RBM20: variants seen among roughly 807,000 people sequenced by gnomAD.
RBM20 encodes RNA-binding protein 20.
Under a neutral mutation model 110.1 loss-of-function variants are expected in RBM20, and 51 were observed. The observed-to-expected ratio is 0.46, with a 90% confidence interval of 0.37 to 0.59. The LOEUF is 0.59. Among genes scored for constraint, RBM20 ranks in the 20% least tolerant of loss-of-function variants. The pLI is 0.00. For synonymous variants in RBM20, 589 were observed against 618.2 expected, an observed-to-expected ratio of 0.95 and a Z score of 0.70; for missense variants, 1,512 against 1,574.9, an observed-to-expected ratio of 0.96 and a Z score of 0.68.
At chr10:110,667,150 G>A (rs1452288393) in intron 1 of RBM20, among the ~76,000 whole-genome samples, 3 of 152,196 alleles carry the variant, frequency 2.0e-5, no homozygotes, top group African/African-American at 7.2e-5. Flanking sequence ...TCCATATGAT[G>A]CTTACCACAG....
At chr10:110,791,232 A>G (rs1844479166) in intron 5 of RBM20, among the ~76,000 whole-genome samples, 1 of 152,238 alleles carries the variant, frequency 6.6e-6, no homozygotes, top group African/African-American at 2.4e-5. Context: ...ATCATGAGAG[A>G]TAAATATTTG....
At position 110,812,591 on chromosome 10, in the gene RBM20, C is replaced by A; in HGVS notation, c.2194C>A (p.Pro732Thr). ...GGACGAGCGACCAGAAGGAGGGAGG[C>A]CCCACCGGGAGAAGTACCCGAGATC... is the stretch of plus-strand genomic sequence containing the variant. Reference protein sequence around the residue: ...ELDERPEGGRPHREKYPRSGS... With the variant: ...ELDERPEGGRTHREKYPRSGS... Residue 732 changes from proline (P) to threonine (T), a missense_variant, in exon 9 of 14, where the codon CCC (proline) becomes ACC (threonine). Around this residue, in one of 3 missense-constraint regions of RBM20, gnomAD observed 1,149 missense variants for 1,169.4 expected, o/e 0.98. Transcript: ENST00000369519. 6.4e-7 allele frequency: 1 copy of A among 1,551,666 alleles called. No homozygotes were observed. The highest frequency in any genetic ancestry group is 8.7e-7 in the Non-Finnish European group (1 of 1,146,996).
At position 110,737,011 on chromosome 10, in the gene RBM20, C is replaced by G. The variant is rs1308407194; in HGVS notation, c.192-43790C>G. 2.0e-5 allele frequency among the ~76,000 whole-genome samples: 3 copies of G among 151,488 alleles called. No individual in the cohort carries two copies. The East Asian group carries it at 5.8e-4, about 29-fold the overall frequency. On this transcript the variant is annotated intron_variant, in intron 1 of 13. Coordinates refer to ENST00000369519, the MANE Select transcript of RBM20 (RefSeq NM_001134363.3). ...CCAACGTGGTGAAACCCCATCTCTA[C>G]TAAAAATACAAAAAAATTAGCCGGG...
At chr10:110,645,217 G>C (rs903328674) in intron 1 of RBM20, among the ~76,000 whole-genome samples, 1 of 152,164 alleles carries the variant, frequency 6.6e-6, no homozygotes, top group African/African-American at 2.4e-5. Flanking sequence ...CTTGTGACTC[G>C]GGTGACCTGT....
In RBM20 at chr10:110,836,194, C is replaced by CA. The variant is rs1590710949; in HGVS notation, c.*217dup. On this transcript the variant is annotated 3_prime_UTR_variant, in exon 14 of 14. Transcript: ENST00000369519. ...CAGGTGTGTCCAGCCCACTGAGGGT[C>CA]ACCAACTCTCTCCCTGCTGACTCTT... The CA allele has an allele frequency of 2.7e-6, 1 of 366,272 alleles. No homozygotes were observed. The highest frequency in any genetic ancestry group is 4.1e-5 in the East Asian group (1 of 24,608). 22.7% of individuals were successfully genotyped at this position (366,272 alleles called of 1,614,324 possible). A position where few individuals can be genotyped will look rare whatever the true frequency, so the allele number is the denominator to read the frequency against.
rs1844401481 is a variant in RBM20 at position 110,784,887 on chromosome 10, A to G, written c.1525A>G (p.Thr509Ala). The G allele has an allele frequency of 1.3e-6, 2 of 1,502,730 alleles. No individual in the cohort carries two copies. The highest frequency in any genetic ancestry group is 9.0e-7 in the Non-Finnish European group (1 of 1,106,864). The allele number at this position is 1,502,730 out of a possible 1,614,324, so 93.1% of individuals were successfully genotyped here. The change falls in exon 5 of 14, where the codon ACT becomes GCT. Residue 509 changes from threonine to alanine, a missense_variant and splice_region_variant. Thr to Ala is a moderately conservative substitution (Grantham distance 58). Around this residue, in one of 3 missense-constraint regions of RBM20, gnomAD observed 1,149 missense variants for 1,169.4 expected, o/e 0.98. Transcript: ENST00000369519. ...PTFPLASVGTTFAQRKGAGRV... is the reference protein window; with the variant it reads ...PTFPLASVGTAFAQRKGAGRV... ...ATTTCCTTTGGCTTCTGTGGGGACA[A>G]CTGTGAGTACGGAAACATTTTCTCT...
upstream of RBM20, among the ~76,000 whole-genome samples, chr10:110,643,940 G>A (rs540805209): frequency 6.6e-6 from 1 of 152,176 alleles, no homozygotes; most frequent in South Asian, 2.1e-4. Flanking sequence ...GGCTTGGCAG[G>A]AGCTGCGAGA....
At chr10:110,725,898 T>C (rs1303779047) in intron 1 of RBM20, among the ~76,000 whole-genome samples, 1 of 152,254 alleles carries the variant, frequency 6.6e-6, no homozygotes, top group African/African-American at 2.4e-5. Context: ...GCCTCTGTGC[T>C]GGGGGTGGAA....
At chr10:110,736,060 T>C (rs908794993) in intron 1 of RBM20, among the ~76,000 whole-genome samples, 9 of 152,238 alleles carry the variant, frequency 5.9e-5, no homozygotes, top group Non-Finnish European at 8.8e-5. Flanking sequence ...CAAGTGCATT[T>C]GCCCAGAACA....
chr10:110,813,334 G>A (rs982088667), intron 9 of RBM20, among the ~76,000 whole-genome samples: 10 of 152,194 alleles, frequency 6.6e-5, no homozygotes, highest in African/African-American at 1.7e-4. Context: ...AGTCCTGTTC[G>A]TCCAGTAGGG....
At chr10:110,690,415 C>CA (rs1370542912) in intron 1 of RBM20, among the ~76,000 whole-genome samples, 1 of 150,296 alleles carries the variant, frequency 6.7e-6, no homozygotes, top group Non-Finnish European at 1.5e-5. Flanking sequence ...CAAAAAAAAA[C>CA]AAAAAAACAA....
intron 1 of RBM20, among the ~76,000 whole-genome samples, chr10:110,688,620 T>A (rs1862539726): frequency 6.6e-6 from 1 of 151,032 alleles, no homozygotes; most frequent in African/African-American, 2.4e-5. Context: ...ATCCTGCATT[T>A]AAAAAAAAAG....
chr10:110,815,095 G>A (rs1455779450), intron 9 of RBM20, among the ~76,000 whole-genome samples: 1 of 152,216 alleles, frequency 6.6e-6, no homozygotes, highest in East Asian at 1.9e-4. Context: ...TGTAAAAGTG[G>A]CCCCTTCCAC....
chr10:110,826,883 G>A (rs1013054314), intron 12 of RBM20, among the ~76,000 whole-genome samples: 4 of 152,106 alleles, frequency 2.6e-5, no homozygotes, highest in African/African-American at 9.7e-5. Flanking sequence ...GTGAGCCACC[G>A]TGCCCGGCCA....
Position 110,822,178 on chromosome 10 carries a change from C to G in RBM20, c.3316+243C>G, listed in dbSNP as rs61862920. On this transcript the variant is annotated intron_variant, in intron 11 of 13. Coordinates refer to ENST00000369519, the MANE Select transcript of RBM20 (RefSeq NM_001134363.3). ...GGCTGCATGTTTTCTGAGAAGCAAA[C>G]TCAGGGCAGACTTCTCTGCATTTAC... 0.039 allele frequency among the ~76,000 whole-genome samples: 5,881 copies of G among 152,210 alleles called. 200 individuals carry two copies. The highest frequency in any genetic ancestry group is 0.094 in the African/African-American group (3,917 of 41,524).
At chr10:110,708,584 C>T (rs1319881757) in intron 1 of RBM20, among the ~76,000 whole-genome samples, 2 of 151,966 alleles carry the variant, frequency 1.3e-5, no homozygotes, top group Non-Finnish European at 1.5e-5. Context: ...GAAATAAAAC[C>T]TTATTTCTCA....
At chr10:110,649,620 G>A (rs147496626) in intron 1 of RBM20, among the ~76,000 whole-genome samples, 52 of 152,264 alleles carry the variant, frequency 3.4e-4, no homozygotes, top group African/African-American at 1.1e-3. Context: ...TCCTGCCACA[G>A]TGATTATTTA....
chr10:110,817,058 A>G (rs1844849163), intron 9 of RBM20, among the ~76,000 whole-genome samples: 1 of 152,168 alleles, frequency 6.6e-6, no homozygotes, highest in Non-Finnish European at 1.5e-5. Flanking sequence ...ACAGATAAGG[A>G]AAACATGGGG....
intron 1 of RBM20, among the ~76,000 whole-genome samples, chr10:110,719,889 G>A (rs186070354): frequency 9.2e-5 from 14 of 152,000 alleles, no homozygotes; most frequent in Admixed American, 9.2e-4. Context: ...GTCTTATTGG[G>A]TAGCTTAAAT....
Sources: gnomAD v4.1 joint callset for allele counts (sites outside exome capture counted in the v4.1 genomes callset) on GRCh38, gnomAD v4.1.1 for gene constraint, gnomAD v4.1.1 regional missense constraint, MANE v1.5 for transcripts, NCBI Gene and HGNC (gene_info 2026-07-23, HGNC 2026-07-21) for gene names.